RGS20: variants seen among roughly 807,000 people sequenced by gnomAD.
The protein encoded by RGS20 is gz-selective GTPase-activating protein.
In RGS20, 30 loss-of-function variants were observed where a neutral mutation model predicts 33.6. The ratio of observed to expected loss-of-function variants is 0.89; its 90% CI spans 0.67 to 1.21. The LOEUF is 1.21. Ranked by LOEUF, RGS20 falls within the 50% of genes most tolerant of loss-of-function variation. The pLI, the probability that RGS20 is intolerant of heterozygous loss-of-function variation, is 0.00. For missense variants in RGS20, 472 were observed against 502.4 expected, an observed-to-expected ratio of 0.94 and a Z score of 0.58; for synonymous variants, 208 against 197.9, an observed-to-expected ratio of 1.05 and a Z score of -0.43.
Position 53,871,247 on chromosome 8 carries a change from C to A in RGS20, c.166-8011C>A, listed in dbSNP as rs78626601. 1.4e-3 allele frequency among the ~76,000 whole-genome samples: 217 copies of A among 151,658 alleles called. 4 individuals carry two copies. In the East Asian group the frequency reaches 0.031, roughly 22 times the overall value. On this transcript the variant is annotated intron_variant, in intron 1 of 5. Transcript: ENST00000297313. ...AGAAACTTGGAGGTATAATTCTTGA[C>A]CTTGCTTTTGTCCTCATTTGAACCT...
chr8:53,920,779 C>T (rs58978198), intron 2 of RGS20, among the ~76,000 whole-genome samples: 2,033 of 151,886 alleles, frequency 0.013, 44 homozygotes, highest in African/African-American at 0.046. Flanking sequence ...TTTTTTGAGA[C>T]GGGCAGTCTC....
chr8:53,874,583 A>G (rs1162059772), intron 1 of RGS20, among the ~76,000 whole-genome samples: 1 of 152,204 alleles, frequency 6.6e-6, no homozygotes, highest in Non-Finnish European at 1.5e-5. Flanking sequence ...ACAGGACAGA[A>G]CAGTTGGAAA....
intron 2 of RGS20, chr8:53,887,146 A>G (rs1002154837): frequency 6.1e-6 from 1 of 163,038 alleles, no homozygotes; most frequent in African/African-American, 2.4e-5. Flanking sequence ...TAATTCTGCC[A>G]TTTTCATCCA....
At chr8:53,908,354 C>T (rs1813241458) in intron 2 of RGS20, among the ~76,000 whole-genome samples, 2 of 152,100 alleles carry the variant, frequency 1.3e-5, no homozygotes, top group African/African-American at 4.8e-5. Context: ...CTTATACAGA[C>T]TGCTGCTGGG....
intron 5 of RGS20, among the ~76,000 whole-genome samples, chr8:53,955,224 A>G (rs903284897): frequency 1.3e-5 from 2 of 151,274 alleles, no homozygotes; most frequent in Admixed American, 6.6e-5. Flanking sequence ...GAGGGCTCCA[A>G]GTGTCCTCTG....
At chr8:53,872,556 GAGTA>G (rs1178619191) in intron 1 of RGS20, among the ~76,000 whole-genome samples, 1 of 152,172 alleles carries the variant, frequency 6.6e-6, no homozygotes, top group African/African-American at 2.4e-5. Flanking sequence ...TTGAAAGAAT[GAGTA>G]AGTGAGTGGC....
chr8:53,861,881 C>A (rs1235020286), intron 1 of RGS20, among the ~76,000 whole-genome samples: 2 of 152,200 alleles, frequency 1.3e-5, no homozygotes, highest in Admixed American at 6.5e-5. Context: ...TCATTAAGAT[C>A]TCTAAGCTTC....
chr8:53,950,311 C>T (rs1029377528), intron 4 of RGS20, among the ~76,000 whole-genome samples: 1 of 152,072 alleles, frequency 6.6e-6, no homozygotes, highest in Admixed American at 6.6e-5. Flanking sequence ...AAAAGACCCA[C>T]GTAACAAGGA....
At chr8:53,911,032 C>T (rs183033816) in intron 2 of RGS20, among the ~76,000 whole-genome samples, 1 of 152,140 alleles carries the variant, frequency 6.6e-6, no homozygotes, top group Non-Finnish European at 1.5e-5. Context: ...GATAAAAAAT[C>T]TGAGCTGCAA....
rs534106678 is a variant in RGS20 at position 53,897,953 on chromosome 8, C to T, written c.510+18351C>T. On this transcript the variant is annotated intron_variant, in intron 2 of 5. Transcript: ENST00000297313. ...AGGTCCAAGGCATGTGGGGCACACACTGCAAAGGCAACAGGTGCTACTCTT... is the reference window on the plus strand; with the variant it reads ...AGGTCCAAGGCATGTGGGGCACACATTGCAAAGGCAACAGGTGCTACTCTT... 2.0e-5 allele frequency among the ~76,000 whole-genome samples: 3 copies of T among 152,358 alleles called. No homozygotes were observed. The East Asian group carries it at 5.8e-4, about 29-fold the overall frequency.
chr8:53,874,407 C>CGCGT (rs766208742), intron 1 of RGS20, among the ~76,000 whole-genome samples: 4 of 146,464 alleles, frequency 2.7e-5, no homozygotes, highest in African/African-American at 1.0e-4. Context: ...TGTGTGCGCG[C>CGCGT]GCGTGTGCTT....
intron 4 of RGS20, among the ~76,000 whole-genome samples, chr8:53,947,371 GAT>G (rs1189729425): frequency 7.2e-5 from 9 of 125,530 alleles, no homozygotes; most frequent in South Asian, 2.6e-4. Context: ...CTATATATAA[GAT>G]ATAGTATATT....
chr8:53,869,214 AGTTTATTTCAT>A (rs1201467615), intron 1 of RGS20, among the ~76,000 whole-genome samples: 1 of 152,216 alleles, frequency 6.6e-6, no homozygotes, highest in Non-Finnish European at 1.5e-5. Context: ...CAGGAGCTTT[AGTTTATTTCAT>A]GTTTGTTTTT....
Position 53,931,240 on chromosome 8 carries a change from T to C in RGS20, c.511-8336T>C, listed in dbSNP as rs1326175267. Among the ~76,000 whole-genome samples the C allele has an allele frequency of 2.6e-5, 4 of 152,158 alleles. No homozygotes were observed. The South Asian group carries it at 8.3e-4, about 32-fold the overall frequency. Reference sequence around the variant, plus strand: ...AGTAAAGCCCTTTGATGGGTCTTTCTTGTGGTCCTGAAACTTACATGCAAG... The same window carrying C: ...AGTAAAGCCCTTTGATGGGTCTTTCCTGTGGTCCTGAAACTTACATGCAAG... On this transcript the variant is annotated intron_variant, in intron 2 of 5. Transcript: ENST00000297313.
intron 5 of RGS20, among the ~76,000 whole-genome samples, chr8:53,954,689 C>T (rs1367067653): frequency 2.0e-4 from 26 of 131,178 alleles, no homozygotes; most frequent in African/African-American, 6.4e-4. Flanking sequence ...AAGTAATTGC[C>T]TTTTTTTTTT....
chr8:53,880,976 C>T, intron 2 of RGS20: 2 of 1,587,238 alleles, frequency 1.3e-6, no homozygotes, highest in Middle Eastern at 1.7e-4. Context: ...GAGAGGGCAG[C>T]CCTCCGCGCT....
At chr8:53,874,401 T>TGTGC (rs1403614307) in intron 1 of RGS20, among the ~76,000 whole-genome samples, 106 of 124,952 alleles carry the variant, frequency 8.5e-4, no homozygotes, top group African/African-American at 2.5e-3. Context: ...TGTGTGTGTG[T>TGTGC]GCGCGCGCGT....
At chr8:53,921,592 C>T (rs1813648520) in intron 2 of RGS20, among the ~76,000 whole-genome samples, 1 of 151,750 alleles carries the variant, frequency 6.6e-6, no homozygotes, top group Admixed American at 6.6e-5. Context: ...TATGACTTTC[C>T]AGGATTTTTT....
At chr8:53,886,896 C>G (rs1812561000) in intron 2 of RGS20, 1 of 152,234 alleles carries the variant, frequency 6.6e-6, no homozygotes. Flanking sequence ...TACTCCTTAC[C>G]TCACCCTTAT....
Sources: gnomAD v4.1 joint callset for allele counts (sites outside exome capture counted in the v4.1 genomes callset) on GRCh38, gnomAD v4.1.1 for gene constraint, MANE v1.5 for transcripts, NCBI Gene and HGNC (gene_info 2026-07-23, HGNC 2026-07-21) for gene names.